The following SLCO6A1 variants were observed in gnomAD, a reference collection of about 807,000 sequenced individuals.
SLCO6A1 encodes cancer/testis antigen 48.
In SLCO6A1, 65 loss-of-function variants were observed where a neutral mutation model predicts 72.7. The observed-to-expected ratio is 0.89, with a 90% CI of 0.73 to 1.10. The LOEUF is 1.10. Among genes scored for constraint, SLCO6A1 ranks in the 50% least tolerant of loss-of-function variants. The pLI, the probability that SLCO6A1 is intolerant of heterozygous loss-of-function variation, is 0.00. For synonymous variants in SLCO6A1, 314 were observed against 298.2 expected (o/e 1.05, Z -0.55); for missense variants, 874 against 872.6 (o/e 1.00, Z -0.02).
chr5:102,456,606 T>C (rs985084998), intron 6 of SLCO6A1, among the ~76,000 whole-genome samples: 127 of 152,086 alleles, frequency 8.4e-4, no homozygotes, highest in Non-Finnish European at 1.4e-3. Context: ...TAAAAGAGGA[T>C]ACAAACAAAT....
At chr5:102,496,189 T>G (rs919610079) in intron 1 of SLCO6A1, among the ~76,000 whole-genome samples, 1 of 152,168 alleles carries the variant, frequency 6.6e-6, no homozygotes, top group African/African-American at 2.4e-5. Flanking sequence ...TCTGAAAAAC[T>G]GGGCATGTAT....
At chr5:102,460,081 C>T (rs1750947136) in intron 4 of SLCO6A1, among the ~76,000 whole-genome samples, 1 of 151,732 alleles carries the variant, frequency 6.6e-6, no homozygotes, top group Admixed American at 6.6e-5. Flanking sequence ...TTTTTTTATC[C>T]ACCAGAAGCT....
chr5:102,485,641 T>C (rs1752415689), intron 1 of SLCO6A1, among the ~76,000 whole-genome samples: 1 of 152,234 alleles, frequency 6.6e-6, no homozygotes, highest in African/African-American at 2.4e-5. Flanking sequence ...GAAATAAGCA[T>C]GTCCATGTGA....
chr5:102,447,662 G>T (rs996753249), intron 6 of SLCO6A1, among the ~76,000 whole-genome samples: 6 of 152,160 alleles, frequency 3.9e-5, no homozygotes, highest in Non-Finnish European at 2.9e-5. Context: ...TGCGTGCATA[G>T]TGGTGCTTGT....
intron 6 of SLCO6A1, among the ~76,000 whole-genome samples, chr5:102,449,128 G>A (rs980929810): frequency 6.6e-6 from 1 of 152,096 alleles, no homozygotes; most frequent in Non-Finnish European, 1.5e-5. Flanking sequence ...ATGAAGCTTA[G>A]TTTGGTTGGA....
intron 4 of SLCO6A1, among the ~76,000 whole-genome samples, chr5:102,461,958 A>C (rs1751061248): frequency 6.6e-6 from 1 of 152,122 alleles, no homozygotes; most frequent in South Asian, 2.1e-4. Context: ...CAATGATATG[A>C]TTATATAGCT....
Position 102,485,023 on chromosome 5 carries a change from G to A in SLCO6A1, c.359-4589C>T, listed in dbSNP as rs1434487963. ...TCCCAGCACTTTGGGAGGCTGAGGC[G>A]GGTGAATCACCTGAGGTCAGGAGTT... is the stretch of plus-strand genomic sequence containing the variant. On this transcript the variant is annotated intron_variant, in intron 1 of 13. Transcript: ENST00000506729. Among the ~76,000 whole-genome samples, 19 of 151,984 alleles carry A rather than the reference G, an allele frequency of 1.3e-4. 1 individual carries two copies. Among genetic ancestry groups the A allele is most frequent in the Admixed American group, 9.2e-4 (14 of 15,258 alleles).
At chr5:102,415,090 G>A (rs1748209364) in intron 8 of SLCO6A1, among the ~76,000 whole-genome samples, 1 of 152,010 alleles carries the variant, frequency 6.6e-6, no homozygotes, top group African/African-American at 2.4e-5. Flanking sequence ...AACTTTCCAT[G>A]ATCATGGATC....
chr5:102,482,499 C>T (rs899784131), intron 1 of SLCO6A1, among the ~76,000 whole-genome samples: 15 of 152,138 alleles, frequency 9.9e-5, no homozygotes, highest in African/African-American at 3.4e-4. Context: ...GCACATACCC[C>T]ATCCTATAGG....
At chr5:102,411,876 A>G (rs1580376840) in intron 9 of SLCO6A1, among the ~76,000 whole-genome samples, 2 of 152,186 alleles carry the variant, frequency 1.3e-5, no homozygotes, top group South Asian at 4.1e-4. Context: ...CATAGCAAAT[A>G]ACGTAACATT....
chr5:102,474,918 G>GA (rs1450488687), intron 4 of SLCO6A1, among the ~76,000 whole-genome samples: 19 of 151,702 alleles, frequency 1.3e-4, no homozygotes, highest in East Asian at 1.2e-3. Context: ...CAAACAAACA[G>GA]AAAAAACAAA....
At chr5:102,437,052 T>A (rs1749578828) in intron 7 of SLCO6A1, among the ~76,000 whole-genome samples, 1 of 152,166 alleles carries the variant, frequency 6.6e-6, no homozygotes, top group Admixed American at 6.5e-5. Flanking sequence ...TCAAGGGAGC[T>A]TCCTGGCAAG....
chr5:102,442,889 C>T (rs1415798390), intron 6 of SLCO6A1, among the ~76,000 whole-genome samples: 4 of 151,958 alleles, frequency 2.6e-5, no homozygotes, highest in African/African-American at 9.7e-5. Flanking sequence ...TGGTGAAACC[C>T]CGTCTCTACT....
intron 6 of SLCO6A1, among the ~76,000 whole-genome samples, chr5:102,452,450 G>A (rs181506229): frequency 6.6e-6 from 1 of 151,868 alleles, no homozygotes; most frequent in African/African-American, 2.4e-5. Flanking sequence ...TCTACCTTCT[G>A]TTCTAAAAGT....
intron 12 of SLCO6A1, among the ~76,000 whole-genome samples, chr5:102,381,808 C>T (rs1210949073): frequency 3.5e-5 from 5 of 142,472 alleles, no homozygotes; most frequent in African/African-American, 1.3e-4. Flanking sequence ...CTTGCATTTT[C>T]CTGATGATTA....
intron 4 of SLCO6A1, among the ~76,000 whole-genome samples, chr5:102,466,657 C>T (rs548154477): frequency 3.3e-5 from 5 of 151,978 alleles, no homozygotes; most frequent in Admixed American, 3.3e-4. Flanking sequence ...AAAAGAGTTC[C>T]TTTTCTCCAC....
At chr5:102,445,572 G>A (rs902402171) in intron 6 of SLCO6A1, among the ~76,000 whole-genome samples, 2 of 152,130 alleles carry the variant, frequency 1.3e-5, no homozygotes, top group Admixed American at 1.3e-4. Flanking sequence ...GAACGCTTTA[G>A]TTTAATTAAG....
intron 6 of SLCO6A1, among the ~76,000 whole-genome samples, chr5:102,441,593 G>T (rs951213285): frequency 1.3e-5 from 2 of 152,034 alleles, no homozygotes; most frequent in African/African-American, 4.8e-5. Context: ...TAAAATTTTT[G>T]CCATAGTATT....
intron 6 of SLCO6A1, 95 bp downstream of exon 6, chr5:102,458,287 G>A (rs1238759120): frequency 1.4e-5 from 12 of 886,244 alleles, no homozygotes; most frequent in African/African-American, 3.4e-5. Context: ...CCCAGATTTA[G>A]GTTGAACCCT....
Sources: gnomAD v4.1 joint callset for allele counts (sites outside exome capture counted in the v4.1 genomes callset) on GRCh38, gnomAD v4.1.1 for gene constraint, MANE v1.5 for transcripts, NCBI Gene and HGNC (gene_info 2026-07-23, HGNC 2026-07-21) for gene names.